The following DMTN variants were observed in gnomAD, a reference collection of about 807,000 sequenced individuals.
DMTN encodes the protein dematin.
In DMTN, 27 loss-of-function variants were observed where a neutral mutation model predicts 59.4. That is an observed-to-expected ratio of 0.45 (90% CI 0.33 to 0.63). The LOEUF is 0.63. Among genes scored for constraint, DMTN ranks in the 20% least tolerant of loss-of-function variants. DMTN has a pLI of 0.02. For missense variants in DMTN, 451 were observed against 528.9 expected, an observed-to-expected ratio of 0.85 and a Z score of 1.45; for synonymous variants, 221 against 203.7, an observed-to-expected ratio of 1.08 and a Z score of -0.72.
chr8:22,071,122 G>T (rs1426472303), intron 8 of DMTN, among the ~76,000 whole-genome samples: 4 of 151,714 alleles, frequency 2.6e-5, no homozygotes, highest in Admixed American at 1.3e-4. Flanking sequence ...TTGAGATGGA[G>T]TCTCACTCTG....
intron 6 of DMTN, 81 bp downstream of exon 6, chr8:22,069,599 A>G: frequency 8.1e-7 from 1 of 1,234,622 alleles, no homozygotes; most frequent in Non-Finnish European, 1.1e-6. Flanking sequence ...TCAGTCCCCC[A>G]CTCTCTGGGG....
At chr8:22,075,810 C>T (rs73670334) in intron 10 of DMTN, among the ~76,000 whole-genome samples, 18,217 of 152,122 alleles carry the variant, frequency 0.12, 1,204 homozygotes, top group Admixed American at 0.15. Flanking sequence ...TGAGCCGCTG[C>T]GCCCAGCCAA....
rs752247349 is a variant in DMTN at position 22,081,185 on chromosome 8, C to A, written c.1096C>A (p.Arg366=). Residue 366 remains arginine (R), a synonymous_variant, in exon 15 of 16, where the codon CGG becomes AGG. Transcript: ENST00000358242. ...TKLPPGVDRM[R]LERHLSAEDF... is the part of the protein sequence containing the mutation. ...GCTGCCACCGGGGGTGGATCGGATG[C>A]GGCTTGAGGTAGGCAAGGAAGATGC... 6.2e-7 allele frequency: 1 copy of A among 1,612,236 alleles called. No homozygotes were observed. The highest frequency in any genetic ancestry group is 8.5e-7 in the Non-Finnish European group (1 of 1,179,434).
At chr8:22,067,060 C>T (rs1448578550) in intron 2 of DMTN, 25 bp from the exon 3 acceptor site, 1 of 1,587,340 alleles carries the variant, frequency 6.3e-7, no homozygotes, top group Non-Finnish European at 8.6e-7. Flanking sequence ...ACGTGCCCAC[C>T]CGCCCGCCTT....
At chr8:22,070,407 A>G (rs1814409402) in intron 8 of DMTN, 73 bp downstream of exon 8, 1 of 1,513,574 alleles carries the variant, frequency 6.6e-7, no homozygotes, top group Non-Finnish European at 8.9e-7. Flanking sequence ...CTCTTGCTGC[A>G]GTCCGTGAAC....
At position 22,066,840 on chromosome 8, in the gene DMTN, C is replaced by A. The variant is rs1811022235; in HGVS notation, c.-36C>A. 1 of 1,418,116 alleles carries A rather than the reference C, an allele frequency of 7.1e-7. No individual in the cohort carries two copies. Among genetic ancestry groups the A allele is most frequent in the East Asian group, 3.1e-5 (1 of 32,360 alleles). The allele number at this position is 1,418,116 out of a possible 1,614,324, so 87.8% of individuals were successfully genotyped here. A position where few individuals can be genotyped will look rare whatever the true frequency, so the allele number is the denominator to read the frequency against. ...CTGTCCTCTCCCCTCGCGCACAGGG[C>A]TCTGCGAGTGACCCGGCGGGCGAGC... On this transcript the variant is annotated 5_prime_UTR_variant, in exon 2 of 16. Coordinates refer to ENST00000358242, the MANE Select transcript of DMTN (RefSeq NM_001387751.1).
At chr8:22,054,881 AGCCGGGCCTGAGCTGCCG>A (rs1461165290), upstream of DMTN, 1 of 152,188 alleles carries the variant, frequency 6.6e-6, no homozygotes, top group Non-Finnish European at 1.5e-5. Context: ...GCCGCGGCTG[AGCCGGGCCTGAGCTGCCG>A]GCAGGTTGTC....
intron 1 of DMTN, among the ~76,000 whole-genome samples, chr8:22,061,289 AAAAAAAAAAAG>A (rs1806199670): frequency 6.6e-6 from 1 of 151,066 alleles, no homozygotes; most frequent in Non-Finnish European, 1.5e-5. Context: ...TCTCAAAAAA[AAAAAAAAAAAG>A]AAAGAAAGAA....
At position 22,069,315 on chromosome 8, in the gene DMTN, G is replaced by A. The variant is rs75943600; in HGVS notation, c.295-104G>A. 39 of 1,068,256 alleles carry A rather than the reference G, an allele frequency of 3.7e-5. No homozygotes were observed. In the East Asian group the frequency reaches 9.7e-4, roughly 27 times the overall value. 66.2% of individuals were successfully genotyped at this position (1,068,256 alleles called of 1,614,324 possible). A position where few individuals can be genotyped will look rare whatever the true frequency, so the allele number is the denominator to read the frequency against. On this transcript the variant is annotated intron_variant, in intron 5 of 15. Transcript: ENST00000358242. ...ATTGCCCTGGGTTTGGAGGGATGCA[G>A]CCGGCCAGGATGGGAGGACAGAGAG...
At chr8:22,074,299 G>C (rs564792712) in intron 10 of DMTN, among the ~76,000 whole-genome samples, 1 of 152,114 alleles carries the variant, frequency 6.6e-6, no homozygotes, top group Non-Finnish European at 1.5e-5. Flanking sequence ...ATTGAGACAG[G>C]GCCTTGCTCT....
At chr8:22,062,011 C>T (rs1806928893) in intron 1 of DMTN, among the ~76,000 whole-genome samples, 1 of 152,126 alleles carries the variant, frequency 6.6e-6, no homozygotes, top group Non-Finnish European at 1.5e-5. Flanking sequence ...CCTGCCTTGG[C>T]CCCCGAAGTG....
chr8:22,081,865 C>A lies in DMTN; in HGVS notation c.*402C>A. ...GGCCAGGCAGAAAGAGCTCCAGGCT[C>A]TTGTGTCGCCCACCCAGCCCTCCCA... On this transcript the variant is annotated 3_prime_UTR_variant, in exon 16 of 16. Transcript: ENST00000358242. 1 of 463,250 alleles carries A rather than the reference C, an allele frequency of 2.2e-6. No individual in the cohort carries two copies. The highest frequency in any genetic ancestry group is 4.3e-6 in the Non-Finnish European group (1 of 231,512). The allele number at this position is 463,250 out of a possible 1,614,324, so 28.7% of individuals were successfully genotyped here. A position where few individuals can be genotyped will look rare whatever the true frequency, so the allele number is the denominator to read the frequency against.
At chr8:22,080,688 G>A (rs1026786767) in intron 13 of DMTN, 63 bp downstream of exon 13, 4 of 1,585,412 alleles carry the variant, frequency 2.5e-6, no homozygotes, top group African/African-American at 2.7e-5. Context: ...ACCCGAAAGT[G>A]TCAGGGGAAG....
Position 22,069,051 on chromosome 8 carries a change from A to T in DMTN, c.285A>T (p.Pro95=). 1.2e-6 allele frequency: 2 copies of T among 1,610,532 alleles called. No individual in the cohort carries two copies. Among genetic ancestry groups the T allele is most frequent in the Non-Finnish European group, 1.7e-6 (2 of 1,178,410 alleles). Residue 95 remains proline, a synonymous_variant, in exon 5 of 16, where the codon CCA becomes CCT. Transcript: ENST00000358242. ...SLSPKSTSPP[P]SPEVWADSRS... ...CACCCAAATCCACATCCCCCCCACC[A>T]TCCCCAGAGGTGAGTCTGCCCCACA...
In DMTN at chr8:22,082,335, T is replaced by G. The variant is rs1824707313; in HGVS notation, c.*872T>G. On this transcript the variant is annotated 3_prime_UTR_variant, in exon 16 of 16. Transcript: ENST00000358242. ...GGCCCCCCCAGCTGCTTTCCTCACCTGCCCCTGCCCTACCTTACACCCCCA... is the reference window on the plus strand; with the variant it reads ...GGCCCCCCCAGCTGCTTTCCTCACCGGCCCCTGCCCTACCTTACACCCCCA... 1 of 423,640 alleles carries G rather than the reference T, an allele frequency of 2.4e-6. No homozygotes were observed. Among genetic ancestry groups the G allele is most frequent in the African/African-American group, 2.0e-5 (1 of 49,254 alleles). 26.2% of individuals were successfully genotyped at this position (423,640 alleles called of 1,614,324 possible). A position where few individuals can be genotyped will look rare whatever the true frequency, so the allele number is the denominator to read the frequency against.
intron 9 of DMTN, among the ~76,000 whole-genome samples, chr8:22,072,921 C>G (rs1385720601): frequency 6.6e-6 from 1 of 152,112 alleles, no homozygotes; most frequent in Non-Finnish European, 1.5e-5. Context: ...GACACCTGGA[C>G]TTTATGCTGC....
intron 1 of DMTN, among the ~76,000 whole-genome samples, chr8:22,064,595 A>G (rs891448644): frequency 2.4e-4 from 36 of 152,262 alleles, no homozygotes; most frequent in Non-Finnish European, 5.1e-4. Context: ...AGTAGCTGGG[A>G]CTACAGGCGC....
rs758483118 is a variant in DMTN, at chr8:22,082,121, G to A, written c.*658G>A. The A allele has an allele frequency of 5.0e-5, 23 of 456,400 alleles. No homozygotes were observed. Among genetic ancestry groups the A allele is most frequent in the Non-Finnish European group, 9.3e-5 (21 of 226,666 alleles). The allele number at this position is 456,400 out of a possible 1,614,324, so 28.3% of individuals were successfully genotyped here. On this transcript the variant is annotated 3_prime_UTR_variant, in exon 16 of 16. Coordinates refer to ENST00000358242, the MANE Select transcript of DMTN (RefSeq NM_001387751.1). ...TACACACGATCCTGGCCCTCCACCT[G>A]CCTCCAGGCCACGAAATGGGAATTC...
chr8:22,061,469 AT>A (rs1806401936), intron 1 of DMTN, among the ~76,000 whole-genome samples: 1 of 151,992 alleles, frequency 6.6e-6, no homozygotes, highest in South Asian at 2.1e-4. Context: ...GAGTATGGGG[AT>A]ATATGACCAC....
Sources: gnomAD v4.1 joint callset for allele counts (sites outside exome capture counted in the v4.1 genomes callset) on GRCh38, gnomAD v4.1.1 for gene constraint, MANE v1.5 for transcripts, NCBI Gene and HGNC (gene_info 2026-07-23, HGNC 2026-07-21) for gene names.